CAST: variants seen among roughly 807,000 people sequenced by gnomAD.
The protein encoded by CAST is calpastatin, also known as MIR583 host.
A neutral mutation model predicts 119.6 loss-of-function variants in CAST; 76 were observed. The observed-to-expected ratio is 0.64, with a 90% confidence interval of 0.53 to 0.77. CAST has a LOEUF of 0.77. Ranked by LOEUF, CAST falls within the 30% of genes least tolerant of loss-of-function variation. CAST has a pLI of 0.00. For missense variants in CAST, 953 were observed against 946.5 expected, an observed-to-expected ratio of 1.01 and a Z score of -0.09; for synonymous variants, 319 against 331.6, an observed-to-expected ratio of 0.96 and a Z score of 0.41.
At chr5:96,595,309 T>C (rs979046747) in intron 1 of CAST, among the ~76,000 whole-genome samples, 2 of 152,194 alleles carry the variant, frequency 1.3e-5, no homozygotes, top group Admixed American at 1.3e-4. Flanking sequence ...TTCCAACATA[T>C]GGACTAGGAC....
chr5:96,523,209 G>C (rs960270098), upstream of CAST, among the ~76,000 whole-genome samples: 4 of 152,170 alleles, frequency 2.6e-5, no homozygotes, highest in Non-Finnish European at 5.9e-5. Flanking sequence ...GGTGCTGCCT[G>C]GTGTGCCCAC....
chr5:95,997,102 C>T, the CAST span, among the ~76,000 whole-genome samples: 2 of 152,144 alleles, frequency 1.3e-5, no homozygotes, highest in Non-Finnish European at 2.9e-5. Flanking sequence ...TCAACAGATT[C>T]TCTAAGGGTC....
chr5:96,267,874 A>T, the CAST span, among the ~76,000 whole-genome samples: 12 of 152,334 alleles, frequency 7.9e-5, no homozygotes, highest in Non-Finnish European at 1.5e-4. Flanking sequence ...ATCTCAAGAT[A>T]TAGGCAATAT....
chr5:95,969,786 C>T, the CAST span, among the ~76,000 whole-genome samples: 3 of 152,058 alleles, frequency 2.0e-5, no homozygotes, highest in African/African-American at 4.8e-5. Flanking sequence ...TTTAGGTTAG[C>T]GGTATCAGTG....
chr5:96,725,515 A>G (rs1377096058), intron 4 of CAST, among the ~76,000 whole-genome samples: 1 of 152,142 alleles, frequency 6.6e-6, no homozygotes, highest in Non-Finnish European at 1.5e-5. Context: ...GTATAATAAT[A>G]CTTGTCTCAT....
the CAST span, among the ~76,000 whole-genome samples, chr5:96,348,005 A>G: frequency 6.6e-6 from 1 of 152,174 alleles, no homozygotes; most frequent in Non-Finnish European, 1.5e-5. Context: ...TAAGACAGAA[A>G]TCGAGTTTCA....
At chr5:96,484,885 C>G in the CAST span, among the ~76,000 whole-genome samples, 1 of 152,242 alleles carries the variant, frequency 6.6e-6, no homozygotes, top group African/African-American at 2.4e-5. Flanking sequence ...TGTGAGAACT[C>G]TATGCAAAGA....
At chr5:96,072,797 T>C in the CAST span, among the ~76,000 whole-genome samples, 6,769 of 152,286 alleles carry the variant, frequency 0.044, 304 homozygotes, top group East Asian at 0.18. Context: ...TTTATCTCTC[T>C]CTTTGGTTAA....
At chr5:96,482,137 C>T in the CAST span, among the ~76,000 whole-genome samples, 1 of 152,022 alleles carries the variant, frequency 6.6e-6, no homozygotes, top group African/African-American at 2.4e-5. Flanking sequence ...AAAGATCTGA[C>T]CTTTGCTGAA....
chr5:96,349,657 A>G, the CAST span, among the ~76,000 whole-genome samples: 1 of 152,150 alleles, frequency 6.6e-6, no homozygotes, highest in Admixed American at 6.6e-5. Context: ...CATTAAACCT[A>G]AGAAGGTGCA....
the CAST span, among the ~76,000 whole-genome samples, chr5:96,130,588 G>T: frequency 6.6e-6 from 1 of 151,896 alleles, no homozygotes; most frequent in African/African-American, 2.4e-5. Flanking sequence ...TGTATGGAGG[G>T]TATTGTTCTG....
the CAST span, among the ~76,000 whole-genome samples, chr5:96,437,013 G>T: frequency 8.2e-3 from 1,252 of 152,282 alleles, 6 homozygotes; most frequent in Non-Finnish European, 0.013. Flanking sequence ...CAAGGTGGTG[G>T]ACACGACTTG....
the CAST span, among the ~76,000 whole-genome samples, chr5:96,394,641 A>G: frequency 6.6e-6 from 1 of 152,240 alleles, no homozygotes; most frequent in African/African-American, 2.4e-5. Flanking sequence ...AGGAAATTTA[A>G]TACTTTTGAA....
the CAST span, among the ~76,000 whole-genome samples, chr5:96,103,172 CAT>C: frequency 2.6e-5 from 4 of 152,110 alleles, no homozygotes; most frequent in East Asian, 7.7e-4. Context: ...AATGATTAAA[CAT>C]ATTATCAAGG....
the CAST span, among the ~76,000 whole-genome samples, chr5:96,299,280 AACAACAAC>A: frequency 7.1e-6 from 1 of 141,258 alleles, no homozygotes; most frequent in Non-Finnish European, 1.6e-5. Flanking sequence ...CAACAACAAC[AACAACAAC>A]AACAAACAAA....
At chr5:96,635,886 T>C (rs1193805016) in intron 1 of CAST, among the ~76,000 whole-genome samples, 1 of 152,226 alleles carries the variant, frequency 6.6e-6, no homozygotes. Context: ...TTCCCTATCA[T>C]CAATTCTTCT....
chr5:96,365,138 G>T, the CAST span, among the ~76,000 whole-genome samples: 1 of 152,236 alleles, frequency 6.6e-6, no homozygotes, highest in Non-Finnish European at 1.5e-5. Context: ...GCGGTTTTGA[G>T]TGAGTTTCTT....
rs1299409574 is a variant in CAST, at chr5:96,662,484, G to A, written c.62G>A (p.Arg21His). 4 of 1,433,528 alleles carry A rather than the reference G, an allele frequency of 2.8e-6. No homozygotes were observed. Among genetic ancestry groups the A allele is most frequent in the Admixed American group, 2.6e-5 (1 of 38,074 alleles). The allele number at this position is 1,433,528 out of a possible 1,614,324, so 88.8% of individuals were successfully genotyped here. A position where few individuals can be genotyped will look rare whatever the true frequency, so the allele number is the denominator to read the frequency against. Reference sequence around the variant, plus strand: ...CGGCCCCGGCGAGCAGCCGCCGCCCGCCGCACCCATGAGGTGAGTGGCGCT... The same window carrying A: ...CGGCCCCGGCGAGCAGCCGCCGCCCACCGCACCCATGAGGTGAGTGGCGCT... ...SPRPRRAAAARRTHEHVSEKT... is the reference protein window; with the variant it reads ...SPRPRRAAAAHRTHEHVSEKT... Residue 21 changes from arginine (R) to histidine (H), a missense_variant, in exon 1 of 32, where the codon CGC becomes CAC. Transcript: ENST00000675179.
At chr5:96,648,003 T>C (rs749403231) in intron 1 of CAST, among the ~76,000 whole-genome samples, 2 of 152,244 alleles carry the variant, frequency 1.3e-5, no homozygotes, top group Admixed American at 6.5e-5. Flanking sequence ...CCTTGTGAAT[T>C]TGAATTCTGC....
Sources: gnomAD v4.1 joint callset for allele counts (sites outside exome capture counted in the v4.1 genomes callset) on GRCh38, gnomAD v4.1.1 for gene constraint, MANE v1.5 for transcripts, NCBI Gene and HGNC (gene_info 2026-07-23, HGNC 2026-07-21) for gene names.